Variants in JADE3 observed in about 807,000 individuals in gnomAD.
JADE3 encodes jade family PHD finger 3.
A neutral mutation model predicts 50.1 loss-of-function variants in JADE3; 2 were observed. The observed-to-expected ratio is 0.04, with a 90% CI of 0.02 to 0.13. The LOEUF (loss-of-function observed/expected upper bound fraction) is 0.13. Among genes scored for constraint, JADE3 ranks in the 10% least tolerant of loss-of-function variants. The probability of loss-of-function intolerance (pLI) is 1.00; values close to 1 mark genes in which losing one functional copy is unlikely to be tolerated. For missense variants in JADE3, 475 were observed against 634.4 expected, an observed-to-expected ratio of 0.75 and a Z score of 2.70; for synonymous variants, 218 against 232.9, an observed-to-expected ratio of 0.94 and a Z score of 0.58.
chrX:47,054,577 C>A lies in JADE3; in HGVS notation c.1392C>A (p.Ser464Arg). The change falls in exon 9 of 11, where the codon AGC becomes AGA. Residue 464 changes from serine (S) to arginine (R), a missense_variant. Ser to Arg is a moderately radical substitution (Grantham distance 110). Transcript: ENST00000614628. ...ENGLVQPKEE[S>R]IHTRMRMFMH... ...GGCTGGTGCAGCCAAAAGAGGAAAG[C>A]ATTCACACTCGAATGAGAATGTTTA... 8.3e-7 allele frequency: 1 copy of A among 1,209,000 alleles called. No homozygotes were observed.
At chrX:47,004,738 G>T (rs1556359983) in intron 4 of JADE3, among the ~76,000 whole-genome samples, 1 of 112,654 alleles carries the variant, frequency 8.9e-6, no homozygotes, top group Non-Finnish European at 1.9e-5. Context: ...TGGCAAATTT[G>T]AGTCCTTTAA....
rs1017500845 is a variant in JADE3, at chrX:47,059,118, C to T, written c.*41C>T. 1.9e-6 allele frequency: 2 copies of T among 1,028,291 alleles called. No homozygotes were observed. Among genetic ancestry groups the T allele is most frequent in the East Asian group, 3.1e-5 (1 of 32,693 alleles). The allele number at this position is 1,028,291 out of a possible 1,213,427, so 84.7% of individuals were successfully genotyped here. On this transcript the variant is annotated 3_prime_UTR_variant, in exon 11 of 11. Coordinates refer to ENST00000614628, the MANE Select transcript of JADE3 (RefSeq NM_014735.5). ...GATGACCCAACCTTTGCCTTTGCCC[C>T]ATATATTGGGGAAAACCCATACACC...
At chrX:46,994,595 G>A (rs1165280492) in intron 3 of JADE3, among the ~76,000 whole-genome samples, 3 of 111,572 alleles carry the variant, frequency 2.7e-5, no homozygotes, top group Non-Finnish European at 3.8e-5. Flanking sequence ...ATTACCTTGT[G>A]GCCTTTGGAA....
intron 4 of JADE3, among the ~76,000 whole-genome samples, chrX:47,023,544 T>G (rs782365726): frequency 1.1e-4 from 12 of 112,054 alleles, no homozygotes; most frequent in Non-Finnish European, 1.9e-4. Flanking sequence ...TCCATGTCTT[T>G]GCTAGATATT....
chrX:46,952,650 T>C (rs1556345449), intron 1 of JADE3, among the ~76,000 whole-genome samples: 1 of 111,876 alleles, frequency 8.9e-6, no homozygotes, highest in South Asian at 3.7e-4. Flanking sequence ...ACTTTCACAA[T>C]ACACTGCCTC....
Position 46,952,780 on chromosome X carries a change from G to A in JADE3, c.-11-32104G>A, listed in dbSNP as rs180709038. ...TGGGAGGCCGAGGCGTATGGATCACGTGAGGTCAGGAGTTTGAGACCAGCC... is the reference window on the plus strand; with the variant it reads ...TGGGAGGCCGAGGCGTATGGATCACATGAGGTCAGGAGTTTGAGACCAGCC... On this transcript the variant is annotated intron_variant, in intron 1 of 10. Coordinates refer to ENST00000614628, the MANE Select transcript of JADE3 (RefSeq NM_014735.5). Among the ~76,000 whole-genome samples, 527 of 111,662 alleles carry A rather than the reference G, an allele frequency of 4.7e-3. 2 individuals are homozygous for A. The highest frequency in any genetic ancestry group is 0.016 in the African/African-American group (504 of 30,724).
intron 3 of JADE3, among the ~76,000 whole-genome samples, chrX:46,997,364 A>G (rs896689463): frequency 1.1e-4 from 12 of 111,017 alleles, no homozygotes; most frequent in Non-Finnish European, 2.3e-4. Flanking sequence ...AAAAAATTAC[A>G]AAAATTAGCT....
chrX:47,043,887 A>G (rs1556370216), intron 8 of JADE3, among the ~76,000 whole-genome samples: 2 of 110,867 alleles, frequency 1.8e-5, no homozygotes, highest in African/African-American at 3.3e-5. Flanking sequence ...GAAAAATGCA[A>G]TTGACAGACT....
intron 1 of JADE3, among the ~76,000 whole-genome samples, chrX:46,941,351 G>A (rs781930848): frequency 5.4e-5 from 6 of 111,486 alleles, no homozygotes; most frequent in African/African-American, 1.6e-4. Flanking sequence ...TGTGAATAGT[G>A]CTGTGATGAA....
At chrX:46,986,937 A>G (rs2147132021) in intron 3 of JADE3, among the ~76,000 whole-genome samples, 1 of 112,785 alleles carries the variant, frequency 8.9e-6, no homozygotes, top group East Asian at 2.8e-4. Context: ...ATTACAAATT[A>G]TCACAAAATT....
At chrX:46,969,148 G>C (rs1278000475) in intron 1 of JADE3, among the ~76,000 whole-genome samples, 1 of 112,862 alleles carries the variant, frequency 8.9e-6, no homozygotes, top group African/African-American at 3.2e-5. Context: ...GGGTGTGGTG[G>C]CTCACGCCTC....
At chrX:46,950,578 TGAA>T (rs1329993554) in intron 1 of JADE3, among the ~76,000 whole-genome samples, 3 of 112,484 alleles carry the variant, frequency 2.7e-5, no homozygotes, top group African/African-American at 9.7e-5. Flanking sequence ...TTGGTTCTCA[TGAA>T]CAGTGCTGCA....
chrX:46,972,613 CTTT>C (rs5902383), intron 1 of JADE3, among the ~76,000 whole-genome samples: 2 of 108,740 alleles, frequency 1.8e-5, no homozygotes, highest in Non-Finnish European at 3.9e-5. Context: ...CTGTTTTTTT[CTTT>C]TTTGAGACAG....
intron 1 of JADE3, among the ~76,000 whole-genome samples, chrX:46,977,507 T>C (rs1414873531): frequency 8.9e-6 from 1 of 112,340 alleles, no homozygotes; most frequent in African/African-American, 3.2e-5. Context: ...TATAAAGGCC[T>C]ATCCTGTTAG....
At chrX:47,056,776 C>T (rs1929640034) in intron 10 of JADE3, among the ~76,000 whole-genome samples, 1 of 111,745 alleles carries the variant, frequency 8.9e-6, no homozygotes, top group African/African-American at 3.2e-5. Flanking sequence ...AATTATAGTG[C>T]CCTAAGCATA....
intron 1 of JADE3, among the ~76,000 whole-genome samples, chrX:46,956,871 GAGTGC>G (rs1328438287): frequency 1.9e-5 from 2 of 105,425 alleles, no homozygotes; most frequent in Non-Finnish European, 3.9e-5. Flanking sequence ...GCCCAGGCTG[GAGTGC>G]AGTGGCATGA....
chrX:46,985,013 A>T, intron 2 of JADE3, 73 bp downstream of exon 2: 1 of 861,367 alleles, frequency 1.2e-6, no homozygotes, highest in Non-Finnish European at 1.7e-6. Flanking sequence ...TCATTTGAGG[A>T]TAAACCATTT....
At chrX:46,919,134 A>AT (rs1303161054) in intron 1 of JADE3, among the ~76,000 whole-genome samples, 1 of 112,624 alleles carries the variant, frequency 8.9e-6, no homozygotes, top group Non-Finnish European at 1.9e-5. Context: ...GAATGGAGTG[A>AT]TGGTTTTTCT....
intron 1 of JADE3, among the ~76,000 whole-genome samples, chrX:46,944,882 C>A (rs781929295): frequency 9.1e-6 from 1 of 110,483 alleles, no homozygotes; most frequent in East Asian, 2.8e-4. Context: ...CTCACTCTGT[C>A]AGCCAGGTTG....
Sources: allele counts gnomAD v4.1 joint callset (sites outside exome capture counted in the v4.1 genomes callset), GRCh38; gene constraint gnomAD v4.1.1; transcripts MANE v1.5; gene names NCBI Gene and HGNC (gene_info 2026-07-23, HGNC 2026-07-21).